IMMP2L: variants seen among roughly 807,000 people sequenced by gnomAD.
IMMP2L encodes the protein inner mitochondrial membrane peptidase subunit 2, also known as mitochondrial inner membrane protease subunit 2.
In IMMP2L, 18 loss-of-function variants were observed where a neutral mutation model predicts 19.3. The ratio of observed to expected loss-of-function variants is 0.93; its 90% CI spans 0.64 to 1.38. The LOEUF (loss-of-function observed/expected upper bound fraction) is 1.38. IMMP2L is among the 40% of genes most tolerant of loss of function. IMMP2L has a pLI of 0.00. For missense variants in IMMP2L, 233 were observed against 218.2 expected, an observed-to-expected ratio of 1.07 and a Z score of -0.43; for synonymous variants, 76 against 73.0, an observed-to-expected ratio of 1.04 and a Z score of -0.21.
At chr7:111,186,941 T>TAA (rs1423784138) in intron 3 of IMMP2L, among the ~76,000 whole-genome samples, 1 of 151,834 alleles carries the variant, frequency 6.6e-6, no homozygotes, top group African/African-American at 2.4e-5. Flanking sequence ...CTTGCTTTTT[T>TAA]TAAAAAAAAA....
intron 3 of IMMP2L, among the ~76,000 whole-genome samples, chr7:111,047,243 C>T (rs1346495781): frequency 6.6e-6 from 1 of 151,608 alleles, no homozygotes; most frequent in Non-Finnish European, 1.5e-5. Flanking sequence ...AGCTGGAATG[C>T]AATGGTGTGA....
At chr7:111,357,018 T>C (rs1828778259) in intron 3 of IMMP2L, among the ~76,000 whole-genome samples, 2 of 152,144 alleles carry the variant, frequency 1.3e-5, no homozygotes, top group East Asian at 3.9e-4. Context: ...TGAAACTCTG[T>C]CTCAAAAAAA....
intron 3 of IMMP2L, among the ~76,000 whole-genome samples, chr7:111,190,797 G>A (rs1021977494): frequency 3.9e-5 from 6 of 152,034 alleles, no homozygotes; most frequent in African/African-American, 1.2e-4. Context: ...TGGTAAGCAG[G>A]TATTTGTGTA....
intron 3 of IMMP2L, among the ~76,000 whole-genome samples, chr7:111,401,118 T>C (rs181248435): frequency 4.6e-5 from 7 of 152,258 alleles, no homozygotes; most frequent in African/African-American, 1.4e-4. Context: ...TGTGGTGAGA[T>C]TGTTTATCTT....
In IMMP2L at chr7:111,423,033, T is replaced by C. The variant is rs189448462; in HGVS notation, c.239+64205A>G. 3.5e-4 allele frequency among the ~76,000 whole-genome samples: 53 copies of C among 152,004 alleles called. 2 individuals are homozygous for C. Among genetic ancestry groups the C allele is most frequent in the African/African-American group, 1.2e-3 (48 of 41,290 alleles). ...GATGGATTACGTTTATTGATTTGCA[T>C]ATATTGAACCAGCCTTGCATCCCAG... On this transcript the variant is annotated intron_variant, in intron 3 of 5. Coordinates refer to ENST00000405709, the MANE Select transcript of IMMP2L (RefSeq NM_032549.4).
chr7:110,856,497 T>C (rs1806785666), intron 5 of IMMP2L, among the ~76,000 whole-genome samples: 1 of 151,976 alleles, frequency 6.6e-6, no homozygotes, highest in African/African-American at 2.4e-5. Context: ...TGATGTATAA[T>C]GAAAGTGACA....
At chr7:111,313,891 G>C (rs919936020) in intron 3 of IMMP2L, among the ~76,000 whole-genome samples, 8 of 152,116 alleles carry the variant, frequency 5.3e-5, no homozygotes, top group Non-Finnish European at 7.4e-5. Flanking sequence ...TTGGATCCCA[G>C]GGGTGTATGT....
intron 1 of IMMP2L, among the ~76,000 whole-genome samples, chr7:111,526,654 T>C (rs1846890579): frequency 6.6e-6 from 1 of 152,184 alleles, no homozygotes; most frequent in South Asian, 2.1e-4. Flanking sequence ...TATGCAGCAA[T>C]CAATATATTT....
At chr7:111,039,592 C>A (rs1204113770) in intron 3 of IMMP2L, among the ~76,000 whole-genome samples, 1 of 152,100 alleles carries the variant, frequency 6.6e-6, no homozygotes, top group East Asian at 1.9e-4. Context: ...GCTCTCCCCC[C>A]TTTGTATTCC....
chr7:110,761,415 T>C (rs1271517263), intron 5 of IMMP2L, among the ~76,000 whole-genome samples: 1 of 152,102 alleles, frequency 6.6e-6, no homozygotes, highest in Non-Finnish European at 1.5e-5. Context: ...AGGGTGGAAT[T>C]AATGCCATCT....
At chr7:111,217,118 TCTCTCTCTCACA>T (rs1445069494) in intron 3 of IMMP2L, among the ~76,000 whole-genome samples, 1 of 144,372 alleles carries the variant, frequency 6.9e-6, no homozygotes, top group African/African-American at 2.8e-5. Flanking sequence ...TCTCTCTCTC[TCTCTCTCTCACA>T]CACACACACA....
rs536892348 is a variant in IMMP2L, at chr7:111,494,827, C to T, written c.136-7486G>A. On this transcript the variant is annotated intron_variant, in intron 2 of 5. Transcript: ENST00000405709. ...AGGGAAACAATATCAGGTACAGTAT[C>T]CTTTCCACAAGATTTAAGAAAAATT... 9.3e-4 allele frequency among the ~76,000 whole-genome samples: 141 copies of T among 152,182 alleles called. 1 individual carries two copies. The South Asian group carries it at 0.025, about 27-fold the overall frequency.
intron 3 of IMMP2L, chr7:111,411,241 G>A: frequency 5.4e-6 from 1 of 184,218 alleles, no homozygotes; most frequent in East Asian, 1.5e-4. Context: ...AGTGCTGTTA[G>A]AAAAAAACTG....
At chr7:111,168,151 G>A (rs1259369411) in intron 3 of IMMP2L, among the ~76,000 whole-genome samples, 4 of 151,886 alleles carry the variant, frequency 2.6e-5, no homozygotes, top group Admixed American at 2.6e-4. Context: ...TGGATATGTT[G>A]TCTGTAAAAA....
intron 4 of IMMP2L, among the ~76,000 whole-genome samples, chr7:110,903,703 G>A (rs1245470157): frequency 6.6e-6 from 1 of 152,008 alleles, no homozygotes; most frequent in African/African-American, 2.4e-5. Flanking sequence ...TGTGAAAAGT[G>A]CTAAAATGAG....
At chr7:110,784,143 T>A (rs528201404) in intron 5 of IMMP2L, among the ~76,000 whole-genome samples, 1 of 151,914 alleles carries the variant, frequency 6.6e-6, no homozygotes, top group South Asian at 2.1e-4. Flanking sequence ...GTAATATTCC[T>A]CATCATTGGT....
chr7:110,879,748 A>G (rs530052840), intron 5 of IMMP2L, among the ~76,000 whole-genome samples: 272 of 152,272 alleles, frequency 1.8e-3, no homozygotes, highest in Non-Finnish European at 3.2e-3. Context: ...CTTACAAAAA[A>G]TAACAGTTTG....
intron 2 of IMMP2L, among the ~76,000 whole-genome samples, chr7:111,512,860 G>C (rs974751782): frequency 6.6e-6 from 1 of 152,068 alleles, no homozygotes; most frequent in African/African-American, 2.4e-5. Flanking sequence ...GAAAGAATAG[G>C]TTCTTCAATA....
rs139027376 is a variant in IMMP2L at position 110,963,464 on chromosome 7, T to G, written c.305+36A>C. ...TGTAGGTAACAGAACTCTAGATATT[T>G]AAAACTTGAACTCAGAAACAACAGT... On this transcript the variant is annotated intron_variant, in intron 4 of 5. Coordinates refer to ENST00000405709, the MANE Select transcript of IMMP2L (RefSeq NM_032549.4). 61 of 1,447,990 alleles carry G rather than the reference T, an allele frequency of 4.2e-5. No individual in the cohort carries two copies. The East Asian group carries it at 1.1e-3, about 26-fold the overall frequency. The allele number at this position is 1,447,990 out of a possible 1,614,324, so 89.7% of individuals were successfully genotyped here.
Sources: gnomAD v4.1 joint callset for allele counts (sites outside exome capture counted in the v4.1 genomes callset) on GRCh38, gnomAD v4.1.1 for gene constraint, MANE v1.5 for transcripts, NCBI Gene and HGNC (gene_info 2026-07-23, HGNC 2026-07-21) for gene names.